The following PTPRD variants were observed in gnomAD, a reference collection of about 807,000 sequenced individuals.
The protein encoded by PTPRD is protein tyrosine phosphatase receptor type D, also known as receptor-type tyrosine-protein phosphatase delta.
A neutral mutation model predicts 214.5 loss-of-function variants in PTPRD; 34 were observed. That is an observed-to-expected ratio of 0.16 (90% CI 0.12 to 0.21). The LOEUF (loss-of-function observed/expected upper bound fraction) is 0.21, where lower values mean the gene tolerates loss of function less well. PTPRD is among the 10% of genes least tolerant of loss of function. The pLI, the probability that PTPRD is intolerant of heterozygous loss-of-function variation, is 1.00. For missense variants in PTPRD, 2,545 were observed against 2,398.7 expected (o/e 1.06, Z -1.27); for synonymous variants, 1,128 against 845.7 (o/e 1.33, Z -5.79).
intron 3 of PTPRD, among the ~76,000 whole-genome samples, chr9:10,258,710 G>A (rs955144567): frequency 4.6e-5 from 7 of 152,242 alleles, no homozygotes; most frequent in African/African-American, 1.7e-4. Flanking sequence ...GCACTAGAGT[G>A]TGGTTTCAGG....
At chr9:10,563,258 C>T (rs2064553946) in intron 2 of PTPRD, among the ~76,000 whole-genome samples, 1 of 152,048 alleles carries the variant, frequency 6.6e-6, no homozygotes, top group Non-Finnish European at 1.5e-5. Flanking sequence ...ATCCAGCTGG[C>T]AGAAAGGAAT....
chr9:8,766,474 GTGCATTGGAAAATGAACAAA>G (rs1204140517), intron 11 of PTPRD, among the ~76,000 whole-genome samples: 1 of 152,086 alleles, frequency 6.6e-6, no homozygotes, highest in African/African-American at 2.4e-5. Context: ...ACTTGAATAA[GTGCATTGGAAAATGAACAAA>G]TGAATGATTA....
At chr9:8,858,442 G>A (rs539530359) in intron 11 of PTPRD, 1 of 152,494 alleles carries the variant, frequency 6.6e-6, no homozygotes, top group East Asian at 1.9e-4. Context: ...CTTTGGACCT[G>A]GCTTGAACCT....
chr9:9,505,337 A>C (rs1471879632), intron 8 of PTPRD, among the ~76,000 whole-genome samples: 1 of 151,430 alleles, frequency 6.6e-6, no homozygotes, highest in Non-Finnish European at 1.5e-5. Context: ...GTCATTTTTC[A>C]ATCGTGTTGG....
At chr9:8,839,123 G>A (rs2097503384) in intron 11 of PTPRD, among the ~76,000 whole-genome samples, 1 of 151,648 alleles carries the variant, frequency 6.6e-6, no homozygotes, top group Admixed American at 6.6e-5. Flanking sequence ...AAAACCCTTA[G>A]GCAAAGGAAA....
intron 11 of PTPRD, among the ~76,000 whole-genome samples, chr9:8,791,668 T>TACTATCATG (rs1038979078): frequency 1.3e-5 from 2 of 151,564 alleles, no homozygotes; most frequent in Admixed American, 1.3e-4. Flanking sequence ...ATTTCAGAGC[T>TACTATCATG]ACTATCATGA....
At chr9:9,723,540 C>T (rs960836258) in intron 7 of PTPRD, among the ~76,000 whole-genome samples, 2 of 151,936 alleles carry the variant, frequency 1.3e-5, no homozygotes, top group African/African-American at 4.8e-5. Flanking sequence ...ATTTTAGAAT[C>T]AGCTTGTTAG....
At chr9:9,196,103 C>G (rs2099938445) in intron 9 of PTPRD, among the ~76,000 whole-genome samples, 1 of 152,120 alleles carries the variant, frequency 6.6e-6, no homozygotes, top group Admixed American at 6.6e-5. Flanking sequence ...CTTAGCATAC[C>G]TGACCTTCAA....
intron 9 of PTPRD, among the ~76,000 whole-genome samples, chr9:9,272,563 T>C (rs377626690): frequency 4.5e-4 from 68 of 151,322 alleles, no homozygotes; most frequent in African/African-American, 1.5e-3. Flanking sequence ...CGAAGGGCGG[T>C]CATCTGATGC....
In PTPRD at chr9:8,484,217, T is replaced by C. The variant is rs766466498; in HGVS notation, c.3315A>G (p.Pro1105=). Residue 1105 remains proline (P), a synonymous_variant, in exon 30 of 46, where the codon CCA becomes CCG. Transcript: ENST00000381196. ...AGGCAGGCTTGGTACGTAATACATC[T>C]GGTGCAGTCTTTGCCGTGACCCTGT... is the stretch of plus-strand genomic sequence containing the variant. ...LQHRVTAKTA[P]DVLRTKPAFI... 2 of 1,614,188 alleles carry C rather than the reference T, an allele frequency of 1.2e-6. No homozygotes were observed. Among genetic ancestry groups the C allele is most frequent in the South Asian group, 1.1e-5 (1 of 91,088 alleles).
At chr9:10,481,334 T>C (rs1175666849) in intron 2 of PTPRD, among the ~76,000 whole-genome samples, 1 of 152,136 alleles carries the variant, frequency 6.6e-6, no homozygotes, top group African/African-American at 2.4e-5. Flanking sequence ...ACAAAAAATA[T>C]CCTATTGGAT....
At chr9:9,759,133 T>A (rs2098624503) in intron 6 of PTPRD, among the ~76,000 whole-genome samples, 1 of 152,226 alleles carries the variant, frequency 6.6e-6, no homozygotes, top group African/African-American at 2.4e-5. Flanking sequence ...TTTCTATCTT[T>A]GAGCAAGCAG....
intron 18 of PTPRD, among the ~76,000 whole-genome samples, chr9:8,524,574 A>G (rs919875263): frequency 1.3e-5 from 2 of 152,168 alleles, no homozygotes; most frequent in African/African-American, 4.8e-5. Context: ...CAGGGGTTTA[A>G]TAAGGAAACA....
chr9:9,776,153 C>A (rs1359791309), intron 5 of PTPRD, among the ~76,000 whole-genome samples: 2 of 152,054 alleles, frequency 1.3e-5, no homozygotes, highest in African/African-American at 4.8e-5. Flanking sequence ...GAAAACTAAA[C>A]CACTTGCTGT....
chr9:9,207,315 A>G (rs568212311), intron 9 of PTPRD, among the ~76,000 whole-genome samples: 18 of 152,334 alleles, frequency 1.2e-4, no homozygotes, highest in African/African-American at 4.3e-4. Flanking sequence ...GTTGGACATA[A>G]GAGCATTAAG....
At chr9:8,633,174 CTAAT>C (rs2096307562) in intron 14 of PTPRD, 139 bp downstream of exon 14, 2 of 1,021,608 alleles carry the variant, frequency 2.0e-6, no homozygotes, top group African/African-American at 1.7e-5. Flanking sequence ...TATCCACTGT[CTAAT>C]TAAAGTTCAA....
At chr9:8,343,565 C>T (rs997038886) in intron 39 of PTPRD, among the ~76,000 whole-genome samples, 8 of 151,948 alleles carry the variant, frequency 5.3e-5, no homozygotes, top group East Asian at 1.9e-4. Flanking sequence ...TGTTAGATGG[C>T]GAGTTTTCCC....
chr9:8,727,755 C>G (rs2098601368), intron 12 of PTPRD, among the ~76,000 whole-genome samples: 1 of 152,078 alleles, frequency 6.6e-6, no homozygotes, highest in Non-Finnish European at 1.5e-5. Flanking sequence ...TGGGCTCAAG[C>G]AATCCTCCCT....
intron 2 of PTPRD, among the ~76,000 whole-genome samples, chr9:10,356,633 G>C (rs1480450735): frequency 6.6e-6 from 1 of 152,036 alleles, no homozygotes; most frequent in Non-Finnish European, 1.5e-5. Context: ...ATTGTGAGTA[G>C]TGGTTTTCCA....
Sources: allele counts gnomAD v4.1 joint callset (sites outside exome capture counted in the v4.1 genomes callset), GRCh38; gene constraint gnomAD v4.1.1; transcripts MANE v1.5; gene names NCBI Gene and HGNC (gene_info 2026-07-23, HGNC 2026-07-21).